Variants in TNIK observed in about 807,000 individuals in gnomAD.
TNIK encodes the protein TRAF2 and NCK interacting kinase, also known as TRAF2 and NCK-interacting protein kinase.
Under a neutral mutation model 191.3 loss-of-function variants are expected in TNIK, and 49 were observed. The ratio of observed to expected loss-of-function variants is 0.26; its 90% CI spans 0.20 to 0.32. TNIK has a LOEUF of 0.32. Ranked by LOEUF, TNIK falls within the 10% of genes least tolerant of loss-of-function variation. The probability of loss-of-function intolerance (pLI) is 1.00; values close to 1 mark genes in which losing one functional copy is unlikely to be tolerated. For synonymous variants in TNIK, 594 were observed against 600.9 expected, an observed-to-expected ratio of 0.99 and a Z score of 0.17; for missense variants, 1,155 against 1,702.3, an observed-to-expected ratio of 0.68 and a Z score of 5.66.
chr3:171,405,011 A>G (rs1474241476), intron 1 of TNIK, among the ~76,000 whole-genome samples: 1 of 152,240 alleles, frequency 6.6e-6, no homozygotes, highest in Non-Finnish European at 1.5e-5. Context: ...TTGAAAATCA[A>G]TAAAGGTGAC....
At chr3:171,147,005 G>A (rs931518863) in intron 12 of TNIK, among the ~76,000 whole-genome samples, 3 of 151,900 alleles carry the variant, frequency 2.0e-5, no homozygotes, top group Admixed American at 6.6e-5. Context: ...TTGCAAATCT[G>A]TTCATTCTAA....
At chr3:171,435,519 C>A in intron 1 of TNIK, among the ~76,000 whole-genome samples, 1 of 152,156 alleles carries the variant, frequency 6.6e-6, no homozygotes, top group East Asian at 1.9e-4. Context: ...TGGTTTTAGA[C>A]ATATTATCAA....
At chr3:171,391,448 A>C (rs1560012525) in intron 1 of TNIK, among the ~76,000 whole-genome samples, 2 of 152,196 alleles carry the variant, frequency 1.3e-5, no homozygotes, top group Admixed American at 6.5e-5. Flanking sequence ...TTCCTCTCCC[A>C]TACCAGGAAG....
At chr3:171,238,446 T>C (rs551145668) in intron 2 of TNIK, among the ~76,000 whole-genome samples, 1 of 152,198 alleles carries the variant, frequency 6.6e-6, no homozygotes, top group East Asian at 1.9e-4. Context: ...ATTCTCCCTC[T>C]CAAACCCTTT....
chr3:171,139,391 C>T (rs1042856897), intron 14 of TNIK, 79 bp downstream of exon 14: 1 of 1,094,416 alleles, frequency 9.1e-7, no homozygotes, highest in Non-Finnish European at 1.3e-6. Flanking sequence ...CACACACACA[C>T]ACACACACAC....
intron 2 of TNIK, among the ~76,000 whole-genome samples, chr3:171,241,813 T>G (rs575705233): frequency 5.9e-4 from 90 of 152,168 alleles, no homozygotes; most frequent in Admixed American, 2.7e-3. Flanking sequence ...GTGGCACATA[T>G]ACACCATGGA....
In TNIK at chr3:171,391,126, T is replaced by C. The variant is rs114291247; in HGVS notation, c.58-21441A>G. 7.4e-3 allele frequency among the ~76,000 whole-genome samples: 1,133 copies of C among 152,304 alleles called. 14 individuals are homozygous for C. Among genetic ancestry groups the C allele is most frequent in the African/African-American group, 0.025 (1,023 of 41,566 alleles). ...TCCCAGAGGATGCATCTACCATTTGTAATATGTGAGATGCATTTATCTCAC... is the reference window on the plus strand; with the variant it reads ...TCCCAGAGGATGCATCTACCATTTGCAATATGTGAGATGCATTTATCTCAC... On this transcript the variant is annotated intron_variant, in intron 1 of 32. Transcript: ENST00000436636.
intron 16 of TNIK, among the ~76,000 whole-genome samples, chr3:171,126,965 G>A (rs115585583): frequency 0.017 from 2,626 of 152,334 alleles, 33 homozygotes; most frequent in Middle Eastern, 0.024. Flanking sequence ...CCATAGCACT[G>A]CTCACACCTC....
chr3:171,415,037 G>T (rs1722878496), intron 1 of TNIK, among the ~76,000 whole-genome samples: 1 of 152,028 alleles, frequency 6.6e-6, no homozygotes, highest in Non-Finnish European at 1.5e-5. Context: ...TTTCTACCAG[G>T]CTCCCCCTTC....
At chr3:171,361,581 G>A (rs1391507368) in intron 2 of TNIK, among the ~76,000 whole-genome samples, 1 of 152,160 alleles carries the variant, frequency 6.6e-6, no homozygotes, top group African/African-American at 2.4e-5. Flanking sequence ...AAAGGTGAAT[G>A]ATTCTCCTAC....
At chr3:171,448,042 T>C (rs115496760) in intron 1 of TNIK, among the ~76,000 whole-genome samples, 5,280 of 152,280 alleles carry the variant, frequency 0.035, 321 homozygotes, top group African/African-American at 0.12. Context: ...TGAAATAATA[T>C]GCTACTTTAA....
chr3:171,381,200 T>C (rs1377783255), intron 1 of TNIK, among the ~76,000 whole-genome samples: 1 of 152,180 alleles, frequency 6.6e-6, no homozygotes. Context: ...TCTAAAAGCT[T>C]TTTGGCAGAC....
At chr3:171,227,725 AT>A (rs928622191) in intron 3 of TNIK, among the ~76,000 whole-genome samples, 1 of 152,024 alleles carries the variant, frequency 6.6e-6, no homozygotes, top group Non-Finnish European at 1.5e-5. Context: ...CTAGAAAACA[AT>A]TTTTTTCTAT....
chr3:171,101,352 C>T (rs1470458632), intron 22 of TNIK, 97 bp downstream of exon 22: 1 of 1,362,778 alleles, frequency 7.3e-7, no homozygotes, highest in South Asian at 1.5e-5. Context: ...TTGCCACAGA[C>T]CCATATACAA....
At chr3:171,156,690 T>C (rs1478402966) in intron 12 of TNIK, among the ~76,000 whole-genome samples, 1 of 152,214 alleles carries the variant, frequency 6.6e-6, no homozygotes, top group African/African-American at 2.4e-5. Context: ...GGACAAGGCA[T>C]GCAGCCAACT....
chr3:171,406,232 A>G (rs551044973), intron 1 of TNIK, among the ~76,000 whole-genome samples: 1 of 152,164 alleles, frequency 6.6e-6, no homozygotes, highest in African/African-American at 2.4e-5. Context: ...CACATTCCGT[A>G]ATCTCGGAAT....
chr3:171,372,703 T>G (rs1048558134), intron 1 of TNIK, among the ~76,000 whole-genome samples: 1 of 152,110 alleles, frequency 6.6e-6, no homozygotes, highest in African/African-American at 2.4e-5. Context: ...GCTGAGGACA[T>G]TTTTCAGATG....
chr3:171,352,251 C>T (rs890625378), intron 2 of TNIK, among the ~76,000 whole-genome samples: 1 of 152,080 alleles, frequency 6.6e-6, no homozygotes, highest in African/African-American at 2.4e-5. Flanking sequence ...CCAGGGTGAT[C>T]CATAAAATTT....
chr3:171,225,312 C>T (rs921464962), intron 3 of TNIK, among the ~76,000 whole-genome samples: 1 of 152,212 alleles, frequency 6.6e-6, no homozygotes, highest in African/African-American at 2.4e-5. Context: ...CTTGATGCCA[C>T]ATCAGACACC....
Sources: allele counts gnomAD v4.1 joint callset (sites outside exome capture counted in the v4.1 genomes callset), GRCh38; gene constraint gnomAD v4.1.1; transcripts MANE v1.5; gene names NCBI Gene and HGNC (gene_info 2026-07-23, HGNC 2026-07-21).